DENND1A: variants seen among roughly 807,000 people sequenced by gnomAD.
DENND1A encodes the protein DENN domain containing 1A.
In DENND1A, 51 loss-of-function variants were observed where a neutral mutation model predicts 113.7. The observed-to-expected ratio is 0.45, with a 90% CI of 0.36 to 0.57. The LOEUF is 0.57. DENND1A is among the 20% of genes least tolerant of loss of function. The probability of loss-of-function intolerance (pLI) is 0.00; values close to 1 mark genes in which losing one functional copy is unlikely to be tolerated. For missense variants in DENND1A, 1,258 were observed against 1,395.9 expected (o/e 0.90, Z 1.57); for synonymous variants, 565 against 570.8 (o/e 0.99, Z 0.14).
At chr9:123,817,581 G>A (rs1409218748) in intron 2 of DENND1A, among the ~76,000 whole-genome samples, 2 of 152,130 alleles carry the variant, frequency 1.3e-5, no homozygotes, top group Non-Finnish European at 2.9e-5. Context: ...TTCCCTCAGA[G>A]ACCTCAGAAC....
At chr9:123,762,784 C>G (rs942961171) in intron 4 of DENND1A, among the ~76,000 whole-genome samples, 5 of 152,184 alleles carry the variant, frequency 3.3e-5, no homozygotes, top group Non-Finnish European at 7.3e-5. Flanking sequence ...AGGAAAGGCC[C>G]TACTGAGATA....
intron 6 of DENND1A, among the ~76,000 whole-genome samples, chr9:123,674,340 TCTCACA>T (rs1354129728): frequency 0.015 from 1,932 of 127,596 alleles, 16 homozygotes; most frequent in Non-Finnish European, 0.019. Context: ...TCTGTCTCTC[TCTCACA>T]CACACACACA....
chr9:123,402,997 A>G (rs1181681505), intron 21 of DENND1A, among the ~76,000 whole-genome samples: 2 of 152,016 alleles, frequency 1.3e-5, no homozygotes, highest in African/African-American at 4.8e-5. Flanking sequence ...GGATGAGGGC[A>G]GTCCTGTATA....
At chr9:123,732,886 G>A (rs2068278246) in intron 5 of DENND1A, among the ~76,000 whole-genome samples, 1 of 152,178 alleles carries the variant, frequency 6.6e-6, no homozygotes, top group Non-Finnish European at 1.5e-5. Flanking sequence ...GGGCCATAGT[G>A]CTTTCTCAAA....
intron 8 of DENND1A, among the ~76,000 whole-genome samples, chr9:123,663,364 C>G (rs1340781884): frequency 6.6e-6 from 1 of 152,072 alleles, no homozygotes; most frequent in African/African-American, 2.4e-5. Flanking sequence ...CATCTTTGAT[C>G]CAACTGCTAT....
chr9:123,519,986 C>T (rs1393599892), intron 13 of DENND1A, among the ~76,000 whole-genome samples: 1 of 151,758 alleles, frequency 6.6e-6, no homozygotes, highest in Non-Finnish European at 1.5e-5. Context: ...AAAGTGAGAC[C>T]TTGTTTCTAC....
At chr9:123,874,698 AC>A (rs781652639) in intron 2 of DENND1A, among the ~76,000 whole-genome samples, 2 of 152,238 alleles carry the variant, frequency 1.3e-5, no homozygotes, top group Non-Finnish European at 2.9e-5. Context: ...TTAGTCTTCA[AC>A]AAAAAGCAAA....
At chr9:123,389,724 T>C (rs2042743018) in intron 21 of DENND1A, among the ~76,000 whole-genome samples, 1 of 152,232 alleles carries the variant, frequency 6.6e-6, no homozygotes, top group Non-Finnish European at 1.5e-5. Flanking sequence ...GGAATAATAA[T>C]GTTCAGACAT....
chr9:123,420,270 C>T (rs1368099741), intron 19 of DENND1A, among the ~76,000 whole-genome samples: 1 of 152,188 alleles, frequency 6.6e-6, no homozygotes, highest in South Asian at 2.1e-4. Flanking sequence ...GATTGCCGCT[C>T]TGTAGACAGG....
chr9:123,626,527 T>A (rs1386940278), intron 10 of DENND1A, among the ~76,000 whole-genome samples: 1 of 151,958 alleles, frequency 6.6e-6, no homozygotes, highest in Non-Finnish European at 1.5e-5. Context: ...CTTCCTTGGG[T>A]GTGTGTTTTG....
At chr9:123,706,054 G>A (rs2066174901) in intron 5 of DENND1A, among the ~76,000 whole-genome samples, 1 of 152,040 alleles carries the variant, frequency 6.6e-6, no homozygotes, top group African/African-American at 2.4e-5. Context: ...AGGGAAACCA[G>A]TTCTAACAAT....
chr9:123,691,490 G>A (rs931060188), intron 5 of DENND1A, among the ~76,000 whole-genome samples: 12 of 151,940 alleles, frequency 7.9e-5, no homozygotes, highest in Non-Finnish European at 1.0e-4. Context: ...CAAATGGCTC[G>A]GGGTTACTGG....
At chr9:123,721,802 A>T (rs1230536876) in intron 5 of DENND1A, among the ~76,000 whole-genome samples, 4 of 152,184 alleles carry the variant, frequency 2.6e-5, no homozygotes, top group Admixed American at 2.6e-4. Context: ...GCCATATGGA[A>T]CTGTAAGTCC....
At chr9:123,623,489 G>A (rs1030056453) in intron 10 of DENND1A, among the ~76,000 whole-genome samples, 1 of 152,098 alleles carries the variant, frequency 6.6e-6, no homozygotes, top group Non-Finnish European at 1.5e-5. Flanking sequence ...TTTGAATCCA[G>A]GTCTGCCTGA....
intron 13 of DENND1A, among the ~76,000 whole-genome samples, chr9:123,496,660 C>T (rs1051570967): frequency 4.6e-5 from 7 of 152,292 alleles, no homozygotes; most frequent in Non-Finnish European, 2.9e-5. Context: ...TGCAGATCTG[C>T]GGAACTGCGC....
chr9:123,827,388 A>G (rs544025529), intron 2 of DENND1A, among the ~76,000 whole-genome samples: 1 of 124,376 alleles, frequency 8.0e-6, no homozygotes, highest in African/African-American at 3.8e-5. Context: ...ATTAATGGAT[A>G]TATAATATAT....
At chr9:123,553,736 C>A (rs1200598485) in intron 13 of DENND1A, among the ~76,000 whole-genome samples, 1 of 152,012 alleles carries the variant, frequency 6.6e-6, no homozygotes, top group Non-Finnish European at 1.5e-5. Context: ...ATGGGTGGTG[C>A]TTTCTCATTT....
chr9:123,504,666 G>C (rs1273348583), intron 13 of DENND1A, among the ~76,000 whole-genome samples: 2 of 152,208 alleles, frequency 1.3e-5, no homozygotes, highest in African/African-American at 2.4e-5. Flanking sequence ...GAGACCTGCT[G>C]ACCCCGTGCT....
At chr9:123,671,786 TGA>T (rs1414355489) in intron 6 of DENND1A, among the ~76,000 whole-genome samples, 3 of 152,192 alleles carry the variant, frequency 2.0e-5, no homozygotes, top group Non-Finnish European at 4.4e-5. Context: ...TTAATTTTAT[TGA>T]GTGTTCACCG....
Sources: allele counts gnomAD v4.1 joint callset (sites outside exome capture counted in the v4.1 genomes callset), GRCh38; gene constraint gnomAD v4.1.1; transcripts MANE v1.5; gene names NCBI Gene and HGNC (gene_info 2026-07-23, HGNC 2026-07-21).